FARS2: variants seen among roughly 807,000 people sequenced by gnomAD.
FARS2 encodes the protein phenylalanyl-tRNA synthetase 2, mitochondrial.
FARS2 carries 40 observed loss-of-function variants against 46.4 expected under a neutral mutation model. The ratio of observed to expected loss-of-function variants is 0.86; its 90% CI spans 0.67 to 1.12. The LOEUF is 1.12. Ranked by LOEUF, FARS2 falls within the 50% of genes most tolerant of loss-of-function variation. FARS2 has a pLI of 0.00. For synonymous variants in FARS2, 234 were observed against 214.9 expected (o/e 1.09, Z -0.78); for missense variants, 513 against 567.9 (o/e 0.90, Z 0.98).
At chr6:5,578,291 A>G (rs975381296) in intron 5 of FARS2, among the ~76,000 whole-genome samples, 3 of 151,988 alleles carry the variant, frequency 2.0e-5, no homozygotes, top group African/African-American at 7.3e-5. Context: ...ACCCACCCAT[A>G]GCAGCTTAGA....
intron 2 of FARS2, among the ~76,000 whole-genome samples, chr6:5,374,099 A>T (rs1305368917): frequency 6.6e-6 from 1 of 152,090 alleles, no homozygotes; most frequent in Non-Finnish European, 1.5e-5. Flanking sequence ...GATGTCTGTG[A>T]TGTTCTTCAA....
chr6:5,333,112 A>G (rs1339676227), intron 1 of FARS2, among the ~76,000 whole-genome samples: 1 of 151,638 alleles, frequency 6.6e-6, no homozygotes, highest in Non-Finnish European at 1.5e-5. Context: ...ATCACCAAAT[A>G]CTTTTTTACT....
chr6:5,355,721 A>C (rs1273399558), intron 1 of FARS2, among the ~76,000 whole-genome samples: 1 of 152,064 alleles, frequency 6.6e-6, no homozygotes, highest in African/African-American at 2.4e-5. Context: ...ACACACACAC[A>C]GACACACATG....
At chr6:5,705,299 G>A (rs1482395137) in intron 6 of FARS2, among the ~76,000 whole-genome samples, 6 of 152,054 alleles carry the variant, frequency 3.9e-5, no homozygotes, top group East Asian at 1.9e-4. Flanking sequence ...GTTTCTTCTC[G>A]ACTTCATGCT....
intron 6 of FARS2, among the ~76,000 whole-genome samples, chr6:5,728,788 G>T (rs1205441613): frequency 6.6e-6 from 1 of 152,152 alleles, no homozygotes; most frequent in Admixed American, 6.5e-5. Context: ...GTACTCTCCC[G>T]ATGTGAGCTG....
At chr6:5,690,361 C>A (rs1757603972) in intron 6 of FARS2, among the ~76,000 whole-genome samples, 1 of 151,726 alleles carries the variant, frequency 6.6e-6, no homozygotes, top group African/African-American at 2.4e-5. Flanking sequence ...ATGTTTAGTG[C>A]TTCCTTCAGG....
At chr6:5,689,298 C>G (rs1757499797) in intron 6 of FARS2, among the ~76,000 whole-genome samples, 1 of 151,994 alleles carries the variant, frequency 6.6e-6, no homozygotes, top group Admixed American at 6.6e-5. Context: ...GTTAGGGTGT[C>G]AATTTTAGAT....
intron 5 of FARS2, among the ~76,000 whole-genome samples, chr6:5,550,597 T>C (rs1199393755): frequency 1.3e-5 from 2 of 152,252 alleles, no homozygotes; most frequent in Non-Finnish European, 1.5e-5. Context: ...GGCATGTATA[T>C]GCAGGTGAGT....
chr6:5,610,996 G>A (rs1775150294), intron 5 of FARS2, among the ~76,000 whole-genome samples: 1 of 152,250 alleles, frequency 6.6e-6, no homozygotes, highest in Non-Finnish European at 1.5e-5. Flanking sequence ...AGGTGGCTCT[G>A]TAATGTGCTC....
intron 4 of FARS2, among the ~76,000 whole-genome samples, chr6:5,474,666 T>G (rs1766012102): frequency 6.7e-6 from 1 of 149,150 alleles, no homozygotes; most frequent in South Asian, 2.2e-4. Flanking sequence ...CAGTACTGTT[T>G]TTTTTTTTTT....
chr6:5,690,337 G>T (rs1156441783), intron 6 of FARS2, among the ~76,000 whole-genome samples: 4 of 152,000 alleles, frequency 2.6e-5, no homozygotes, highest in Non-Finnish European at 1.5e-5. Flanking sequence ...GGCTAGTACT[G>T]GTTGTTCCTT....
At chr6:5,465,046 GT>G (rs1293633166) in intron 4 of FARS2, among the ~76,000 whole-genome samples, 1 of 152,142 alleles carries the variant, frequency 6.6e-6, no homozygotes, top group Non-Finnish European at 1.5e-5. Flanking sequence ...GTATGTTAGA[GT>G]TTTGAAATTT....
intron 4 of FARS2, among the ~76,000 whole-genome samples, chr6:5,463,183 A>G (rs920883120): frequency 6.6e-6 from 1 of 152,198 alleles, no homozygotes; most frequent in African/African-American, 2.4e-5. Context: ...CACTTCTTTA[A>G]TGAAATTTAT....
At chr6:5,405,312 G>A (rs1039814334) in intron 3 of FARS2, among the ~76,000 whole-genome samples, 5 of 152,092 alleles carry the variant, frequency 3.3e-5, no homozygotes, top group African/African-American at 1.2e-4. Context: ...TGTGGCTGCA[G>A]ATTGGCACTC....
intron 5 of FARS2, among the ~76,000 whole-genome samples, chr6:5,554,225 T>C (rs1189177429): frequency 3.3e-5 from 5 of 152,246 alleles, no homozygotes; most frequent in Admixed American, 2.6e-4. Flanking sequence ...ATGCACATTT[T>C]TAAAAATTAT....
At chr6:5,685,288 G>A (rs1757108742) in intron 6 of FARS2, among the ~76,000 whole-genome samples, 1 of 152,196 alleles carries the variant, frequency 6.6e-6, no homozygotes, top group South Asian at 2.1e-4. Context: ...GCCAGGTACA[G>A]GAACTAAGAT....
intron 6 of FARS2, among the ~76,000 whole-genome samples, chr6:5,662,032 T>A (rs1777874775): frequency 3.3e-5 from 5 of 152,040 alleles, no homozygotes; most frequent in Admixed American, 3.3e-4. Flanking sequence ...TATTTTACAT[T>A]GAATGAAAAA....
chr6:5,285,848 T>G (rs534825966), intron 1 of FARS2, among the ~76,000 whole-genome samples: 1 of 152,342 alleles, frequency 6.6e-6, no homozygotes, highest in Non-Finnish European at 1.5e-5. Context: ...TCCTCAGTCT[T>G]GGGTGCTGCT....
chr6:5,267,528 A>G (rs1765631849), intron 1 of FARS2, among the ~76,000 whole-genome samples: 1 of 152,068 alleles, frequency 6.6e-6, no homozygotes, highest in South Asian at 2.1e-4. Flanking sequence ...AGGCAGGTGA[A>G]TCACGAGGTC....
Sources: allele counts gnomAD v4.1 joint callset (sites outside exome capture counted in the v4.1 genomes callset), GRCh38; gene constraint gnomAD v4.1.1; transcripts MANE v1.5; gene names NCBI Gene and HGNC (gene_info 2026-07-23, HGNC 2026-07-21).